CRYBG3: variants seen among roughly 807,000 people sequenced by gnomAD.
The protein encoded by CRYBG3 is very large A-kinase anchor protein.
In CRYBG3, 127 loss-of-function variants were observed where a neutral mutation model predicts 244.2. The observed-to-expected ratio is 0.52, with a 90% CI of 0.45 to 0.60. The LOEUF (loss-of-function observed/expected upper bound fraction) is 0.60. CRYBG3 is among the 20% of genes least tolerant of loss of function. CRYBG3 has a pLI of 0.00. For missense variants in CRYBG3, 3,325 were observed against 3,442.5 expected, an observed-to-expected ratio of 0.97 and a Z score of 0.85; for synonymous variants, 1,132 against 1,195.8, an observed-to-expected ratio of 0.95 and a Z score of 1.10.
intron 17 of CRYBG3, among the ~76,000 whole-genome samples, chr3:97,932,340 T>A (rs2040106850): frequency 1.3e-5 from 2 of 152,200 alleles, no homozygotes; most frequent in South Asian, 4.1e-4. Flanking sequence ...TTTTTACAGC[T>A]GTATATGATT....
At chr3:97,894,511 A>C (rs1035599828) in intron 11 of CRYBG3, among the ~76,000 whole-genome samples, 1 of 152,250 alleles carries the variant, frequency 6.6e-6, no homozygotes, top group Non-Finnish European at 1.5e-5. Context: ...GAATCTGGGG[A>C]AAGTAAAACT....
At chr3:97,855,989 A>T (rs1047627247) in intron 2 of CRYBG3, among the ~76,000 whole-genome samples, 4 of 152,142 alleles carry the variant, frequency 2.6e-5, no homozygotes, top group Admixed American at 6.6e-5. Flanking sequence ...CGGTCTGACC[A>T]AAAATTTATT....
chr3:97,910,412 T>C (rs1006272502), intron 15 of CRYBG3, among the ~76,000 whole-genome samples: 7 of 150,332 alleles, frequency 4.7e-5, no homozygotes, highest in African/African-American at 1.5e-4. Flanking sequence ...TCTGTGGGCG[T>C]AGGACCCTCC....
chr3:97,881,197 G>T lies in CRYBG3; in HGVS notation c.7130G>T (p.Gly2377Val). The change falls in exon 7 of 22, where the codon GGT becomes GTT. Residue 2377 changes from glycine to valine, a missense_variant. Transcript: ENST00000389622. ...RRHPQRNFIL[G>V]SLKRVLKDCS... is the part of the protein sequence containing the mutation. ...CATCCACAAAGAAACTTTATATTGG[G>T]TTCTCTCAAACGTGTCTTAAAGGTA... 6.2e-7 allele frequency: 1 copy of T among 1,606,710 alleles called. No homozygotes were observed. Among genetic ancestry groups the T allele is most frequent in the Non-Finnish European group, 8.5e-7 (1 of 1,176,972 alleles).
intron 17 of CRYBG3, 149 bp from the exon 18 acceptor site, chr3:97,933,545 T>C (rs2040121906): frequency 1.3e-6 from 1 of 798,828 alleles, no homozygotes; most frequent in Admixed American, 1.9e-5. Flanking sequence ...ATCTTTCCAG[T>C]GCAGTTTTGA....
intron 18 of CRYBG3, among the ~76,000 whole-genome samples, chr3:97,934,807 A>G (rs1173469916): frequency 6.6e-6 from 1 of 152,104 alleles, no homozygotes; most frequent in Non-Finnish European, 1.5e-5. Flanking sequence ...TTATTTACCA[A>G]TTAACTAAAT....
intron 19 of CRYBG3, among the ~76,000 whole-genome samples, chr3:97,939,498 C>T (rs1419294081): frequency 2.6e-5 from 4 of 151,888 alleles, no homozygotes; most frequent in Non-Finnish European, 4.4e-5. Context: ...CACTAAGGTA[C>T]TTATAATGTA....
chr3:97,939,502 T>C (rs1463281972), intron 19 of CRYBG3, among the ~76,000 whole-genome samples: 1 of 152,002 alleles, frequency 6.6e-6, no homozygotes, highest in Non-Finnish European at 1.5e-5. Context: ...AAGGTACTTA[T>C]AATGTATATC....
intron 3 of CRYBG3, among the ~76,000 whole-genome samples, chr3:97,870,124 TG>T (rs2039283910): frequency 6.6e-6 from 1 of 152,210 alleles, no homozygotes; most frequent in African/African-American, 2.4e-5. Flanking sequence ...TCTACCATAC[TG>T]TTTTTTTAAA....
chr3:97,873,968 A>G lies in CRYBG3; in HGVS notation c.2774A>G (p.Glu925Gly). The G allele has an allele frequency of 6.5e-7, 1 of 1,534,782 alleles. No individual in the cohort carries two copies. The highest frequency in any genetic ancestry group is 2.0e-5 in the Admixed American group (1 of 50,746). ...ASKYEDKPEP[E>G]VDALGSPPAL... ...AAATATGAAGATAAGCCAGAACCAG[A>G]GGTAGATGCCTTAGGCTCTCCTCCT... The change falls in exon 4 of 22, where the codon GAG becomes GGG. Residue 925 changes from glutamate (E) to glycine (G), a missense_variant. Transcript: ENST00000389622.
chr3:97,936,131 T>C (rs1299017330), intron 18 of CRYBG3, among the ~76,000 whole-genome samples: 1 of 152,104 alleles, frequency 6.6e-6, no homozygotes, highest in African/African-American at 2.4e-5. Context: ...GCTATGGTAG[T>C]GCAAGAGCAG....
At chr3:97,864,143 G>A in intron 2 of CRYBG3, 74 bp from the exon 3 acceptor site, 1 of 1,217,332 alleles carries the variant, frequency 8.2e-7, no homozygotes, top group African/African-American at 1.5e-5. Context: ...CACAGAATCT[G>A]TTTTATAATA....
chr3:97,876,313 G>A lies in CRYBG3; in HGVS notation c.5119G>A (p.Val1707Met), dbSNP rs2039371439. ...GGEGISEKAE[V>M]IPVTLAMENT... ...TGAAGGGATTAGTGAAAAGGCTGAAGTGATACCCGTTACATTAGCAATGGA... is the reference window on the plus strand; with the variant it reads ...TGAAGGGATTAGTGAAAAGGCTGAAATGATACCCGTTACATTAGCAATGGA... The change falls in exon 4 of 22, where the codon GTG (valine) becomes ATG (methionine). Residue 1707 changes from valine to methionine, a missense_variant. Coordinates refer to ENST00000389622, the MANE Select transcript of CRYBG3 (RefSeq NM_153605.4). The A allele has an allele frequency of 3.2e-6, 4 of 1,231,980 alleles. No individual in the cohort carries two copies. In the East Asian group the frequency reaches 9.5e-5, roughly 29 times the overall value. The allele number at this position is 1,231,980 out of a possible 1,614,324, so 76.3% of individuals were successfully genotyped here.
At chr3:97,826,282 T>C (rs573559761) in intron 1 of CRYBG3, among the ~76,000 whole-genome samples, 1 of 152,298 alleles carries the variant, frequency 6.6e-6, no homozygotes, top group African/African-American at 2.4e-5. Context: ...GCTGTGAACA[T>C]TCCTTGGAAA....
intron 17 of CRYBG3, among the ~76,000 whole-genome samples, chr3:97,925,341 C>T (rs1317499317): frequency 6.6e-6 from 1 of 152,006 alleles, no homozygotes; most frequent in African/African-American, 2.4e-5. Flanking sequence ...ATTTTAAAAT[C>T]TGAAAATACT....
At chr3:97,835,891 A>G (rs958826949) in intron 1 of CRYBG3, among the ~76,000 whole-genome samples, 16 of 152,126 alleles carry the variant, frequency 1.1e-4, no homozygotes, top group Non-Finnish European at 2.1e-4. Flanking sequence ...GATTCAGGGT[A>G]TTGAATCTTG....
chr3:97,870,359 C>A (rs974555075), intron 3 of CRYBG3, among the ~76,000 whole-genome samples: 4 of 152,098 alleles, frequency 2.6e-5, no homozygotes, highest in East Asian at 1.9e-4. Flanking sequence ...GTGTACTCAA[C>A]GTTTACCTTC....
In CRYBG3 at chr3:97,944,797, A is replaced by C. The variant is rs573815094; in HGVS notation, c.*1483A>C. ...TTTTCATTATAAAAAACCAGTTTAAAATTTTTTCTTATTTTAATTGTTTGA... is the reference window on the plus strand; with the variant it reads ...TTTTCATTATAAAAAACCAGTTTAACATTTTTTCTTATTTTAATTGTTTGA... On this transcript the variant is annotated 3_prime_UTR_variant, in exon 22 of 22. Transcript: ENST00000389622. 6.4e-6 allele frequency: 1 copy of C among 155,764 alleles called. No individual in the cohort carries two copies. The highest frequency in any genetic ancestry group is 2.4e-5 in the African/African-American group (1 of 41,606). 9.6% of individuals were successfully genotyped at this position (155,764 alleles called of 1,614,324 possible). A position where few individuals can be genotyped will look rare whatever the true frequency, so the allele number is the denominator to read the frequency against.
intron 3 of CRYBG3, among the ~76,000 whole-genome samples, chr3:97,868,543 A>T (rs1056177177): frequency 6.6e-6 from 1 of 152,154 alleles, no homozygotes; most frequent in African/African-American, 2.4e-5. Context: ...CAAGTATATA[A>T]TATTTCTACC....
Sources: gnomAD v4.1 joint callset for allele counts (sites outside exome capture counted in the v4.1 genomes callset) on GRCh38, gnomAD v4.1.1 for gene constraint, MANE v1.5 for transcripts, NCBI Gene and HGNC (gene_info 2026-07-23, HGNC 2026-07-21) for gene names.